Variants in IPO5 observed in about 807,000 individuals in gnomAD.
IPO5 encodes importin 5.
A neutral mutation model predicts 143.3 loss-of-function variants in IPO5; 18 were observed. The ratio of observed to expected loss-of-function variants is 0.13; its 90% CI spans 0.09 to 0.19. The LOEUF (loss-of-function observed/expected upper bound fraction) is 0.19, where lower values mean the gene tolerates loss of function less well. Ranked by LOEUF, IPO5 falls within the 10% of genes least tolerant of loss-of-function variation. The pLI is 1.00. For synonymous variants in IPO5, 477 were observed against 465.7 expected, an observed-to-expected ratio of 1.02 and a Z score of -0.31; for missense variants, 1,013 against 1,336.9, an observed-to-expected ratio of 0.76 and a Z score of 3.78.
intron 3 of IPO5, 146 bp from the exon 4 acceptor site, chr13:97,976,547 G>A (rs910523577): frequency 1.4e-5 from 2 of 144,794 alleles, no homozygotes; most frequent in African/African-American, 5.4e-5. Context: ...TTTCCCCTTT[G>A]CCCCGCCCTT....
rs1166606090 is a variant in IPO5, at chr13:98,024,162, T to C, written c.*2340T>C. 2 of 152,234 alleles carry C rather than the reference T, an allele frequency of 1.3e-5. No homozygotes were observed. The highest frequency in any genetic ancestry group is 2.9e-5 in the Non-Finnish European group (2 of 68,048). 9.4% of individuals were successfully genotyped at this position (152,234 alleles called of 1,614,324 possible). A position where few individuals can be genotyped will look rare whatever the true frequency, so the allele number is the denominator to read the frequency against. On this transcript the variant is annotated 3_prime_UTR_variant, in exon 29 of 29. Transcript: ENST00000651721. ...TCAATTTGGAGTATTTTTTAAATGC[T>C]GTATCTTTAAAGAAAAGTAAAATTG...
chr13:97,992,714 AGAAG>A (rs1315304954), intron 9 of IPO5, among the ~76,000 whole-genome samples, 174 bp from the exon 10 acceptor site: 2 of 152,268 alleles, frequency 1.3e-5, no homozygotes, highest in Non-Finnish European at 2.9e-5. Context: ...AACATCCATC[AGAAG>A]GAAGGTATAC....
At chr13:98,013,000 G>T (rs1889840922) in intron 21 of IPO5, among the ~76,000 whole-genome samples, 1 of 151,972 alleles carries the variant, frequency 6.6e-6, no homozygotes, top group Non-Finnish European at 1.5e-5. Flanking sequence ...TTCTGTAGCA[G>T]TGAGAACCCT....
intron 5 of IPO5, among the ~76,000 whole-genome samples, chr13:97,984,168 C>T (rs1201261718): frequency 1.3e-5 from 2 of 150,330 alleles, no homozygotes; most frequent in South Asian, 2.1e-4. Flanking sequence ...TTAGTAGAGA[C>T]GGGGTTTCAC....
chr13:97,985,339 G>A (rs187179283), intron 5 of IPO5, 82 bp from the exon 6 acceptor site: 11,633 of 1,104,320 alleles, frequency 0.011, 81 homozygotes, highest in Non-Finnish European at 0.013. Context: ...AAAATTAGGC[G>A]CTTTTGAAAT....
intron 5 of IPO5, among the ~76,000 whole-genome samples, chr13:97,984,718 C>G (rs781188266): frequency 5.3e-5 from 8 of 152,010 alleles, no homozygotes; most frequent in Non-Finnish European, 1.2e-4. Flanking sequence ...TAATGAGTAA[C>G]ATCAGCTTGG....
At chr13:97,976,050 C>G in intron 3 of IPO5, 1 of 786,832 alleles carries the variant, frequency 1.3e-6, no homozygotes, top group Non-Finnish European at 1.5e-6. Context: ...GGGTGAAGGG[C>G]TGGATCCCAG....
chr13:97,980,826 CAAAAA>C (rs374921610), intron 4 of IPO5, among the ~76,000 whole-genome samples: 4 of 108,802 alleles, frequency 3.7e-5, no homozygotes, highest in Non-Finnish European at 5.4e-5. Flanking sequence ...GACTCTATCT[CAAAAA>C]AAAAAAAAAA....
Position 98,000,574 on chromosome 13 carries a change from T to C in IPO5, c.1037T>C (p.Met346Thr). The part of the protein sequence containing the change: ...AVAGESALDR[M>T]ACGLGGKLVL... ...GCAGGCGAGAGTGCTCTAGATCGAATGGCTTGCGGACTTGGTGGAAAGCTC... is the reference window on the plus strand; with the variant it reads ...GCAGGCGAGAGTGCTCTAGATCGAACGGCTTGCGGACTTGGTGGAAAGCTC... The change falls in exon 13 of 29, where the codon ATG (methionine) becomes ACG (threonine). Residue 346 changes from methionine (M) to threonine (T), a missense_variant. Physicochemically the swap from Met to Thr is moderately conservative, Grantham distance 81. This residue lies in a region of IPO5 where 685 missense variants were observed against 994.9 expected (regional missense o/e 0.69). Transcript: ENST00000651721. The C allele has an allele frequency of 6.2e-7, 1 of 1,614,170 alleles. No homozygotes were observed.
chr13:97,976,758 C>G lies in IPO5; in HGVS notation c.62C>G (p.Pro21Arg). ...FYLLLGNLLSPDNVVRKQAEE... is the reference protein window; with the variant it reads ...FYLLLGNLLSRDNVVRKQAEE... ...CTGCTCCTGGGAAACCTGCTCAGCC[C>G]CGACAATGTGGTCCGGAAACAGGCA... The change falls in exon 4 of 29, where the codon CCC becomes CGC. Residue 21 changes from proline (P) to arginine (R), a missense_variant. Coordinates refer to ENST00000651721, the MANE Select transcript of IPO5 (RefSeq NM_002271.6). 1 of 1,415,662 alleles carries G rather than the reference C, an allele frequency of 7.1e-7. No homozygotes were observed. The highest frequency in any genetic ancestry group is 1.5e-5 in the African/African-American group (1 of 65,894). 87.7% of individuals were successfully genotyped at this position (1,415,662 alleles called of 1,614,324 possible).
chr13:97,957,447 C>A (rs2139465273), intron 2 of IPO5, among the ~76,000 whole-genome samples: 1 of 152,224 alleles, frequency 6.6e-6, no homozygotes, highest in East Asian at 1.9e-4. Context: ...GGTGATCCAC[C>A]TACCTCCCAA....
rs1594129483 is a variant in IPO5, at chr13:98,015,406, A to G, written c.2326-124A>G. ...ATTCTAACAAATACAAGCTAAGCAT[A>G]TGTAAATAATCTTCCAGGATACTGA... On this transcript the variant is annotated intron_variant, in intron 22 of 28. Transcript: ENST00000651721. The G allele has an allele frequency of 1.1e-5, 7 of 635,272 alleles. No homozygotes were observed. In the East Asian group the frequency reaches 1.3e-4, roughly 12 times the overall value. 39.4% of individuals were successfully genotyped at this position (635,272 alleles called of 1,614,324 possible).
Position 98,023,596 on chromosome 13 carries a change from C to T in IPO5, c.*1774C>T, listed in dbSNP as rs1026279010. On this transcript the variant is annotated 3_prime_UTR_variant, in exon 29 of 29. Coordinates refer to ENST00000651721, the MANE Select transcript of IPO5 (RefSeq NM_002271.6). ...GTTTTTTGGGAGAACCTAGTGTTTG[C>T]TGGGCACTATGCTAAGCACTTTGGG... The T allele has an allele frequency of 6.6e-6, 1 of 152,114 alleles. No homozygotes were observed. The highest frequency in any genetic ancestry group is 2.4e-5 in the African/African-American group (1 of 41,402). The allele number at this position is 152,114 out of a possible 1,614,324, so 9.4% of individuals were successfully genotyped here.
chr13:97,954,705 G>C (rs1022866969), intron 2 of IPO5, among the ~76,000 whole-genome samples: 3 of 152,102 alleles, frequency 2.0e-5, no homozygotes, highest in Non-Finnish European at 4.4e-5. Context: ...GGTAAAAAAG[G>C]CTCATTGTCA....
chr13:97,995,863 T>C (rs933953569), intron 11 of IPO5, among the ~76,000 whole-genome samples: 8 of 152,200 alleles, frequency 5.3e-5, no homozygotes, highest in African/African-American at 1.9e-4. Context: ...TACAGATATA[T>C]TTTACAAGTA....
intron 2 of IPO5, among the ~76,000 whole-genome samples, chr13:97,963,968 T>C (rs1885100535): frequency 6.6e-6 from 1 of 152,220 alleles, no homozygotes; most frequent in Admixed American, 6.5e-5. Context: ...CTTTTTTTCA[T>C]ATGTTTGTTG....
At chr13:98,008,777 T>G (rs1415781574) in intron 18 of IPO5, among the ~76,000 whole-genome samples, 1 of 152,222 alleles carries the variant, frequency 6.6e-6, no homozygotes, top group African/African-American at 2.4e-5. Context: ...AACACTGTTA[T>G]AGTAACATCA....
At chr13:97,964,262 A>G (rs1433787957) in intron 2 of IPO5, among the ~76,000 whole-genome samples, 3 of 151,948 alleles carry the variant, frequency 2.0e-5, no homozygotes, top group Admixed American at 6.6e-5. Context: ...TCATGAAGTC[A>G]TTGCCCATGC....
At chr13:97,982,942 C>G (rs1886976078) in intron 5 of IPO5, among the ~76,000 whole-genome samples, 1 of 152,216 alleles carries the variant, frequency 6.6e-6, no homozygotes, top group African/African-American at 2.4e-5. Context: ...ACCATCTCGG[C>G]CCACTGCAAC....
Sources: allele counts gnomAD v4.1 joint callset (sites outside exome capture counted in the v4.1 genomes callset), GRCh38; gene constraint gnomAD v4.1.1; regional missense constraint gnomAD v4.1.1; transcripts MANE v1.5; gene names NCBI Gene and HGNC (gene_info 2026-07-23, HGNC 2026-07-21).